The following NID2 variants were observed in gnomAD, a reference collection of about 807,000 sequenced individuals.
NID2 encodes the protein nidogen-2.
Under a neutral mutation model 145.4 loss-of-function variants are expected in NID2, and 83 were observed. The ratio of observed to expected loss-of-function variants is 0.57; its 90% CI spans 0.48 to 0.69. The LOEUF (loss-of-function observed/expected upper bound fraction) is 0.69. Ranked by LOEUF, NID2 falls within the 30% of genes least tolerant of loss-of-function variation. The pLI, the probability that NID2 is intolerant of heterozygous loss-of-function variation, is 0.00. For missense variants in NID2, 1,807 were observed against 1,765.7 expected (o/e 1.02, Z -0.42); for synonymous variants, 739 against 701.3 (o/e 1.05, Z -0.85).
intron 5 of NID2, among the ~76,000 whole-genome samples, chr14:52,046,322 C>CAAAA (rs1555365268): frequency 1.6e-4 from 5 of 31,966 alleles, no homozygotes; most frequent in Admixed American, 3.9e-4. Flanking sequence ...GACTCCATCT[C>CAAAA]AAAAAAAAAA....
At chr14:52,039,958 TG>T in intron 8 of NID2, among the ~76,000 whole-genome samples, 1 of 152,326 alleles carries the variant, frequency 6.6e-6, no homozygotes, top group East Asian at 1.9e-4. Flanking sequence ...GTTTTGTTTT[TG>T]AGATGGAGTC....
intron 18 of NID2, chr14:52,008,948 A>G (rs1310455222): frequency 6.6e-6 from 1 of 152,232 alleles, no homozygotes; most frequent in Non-Finnish European, 1.5e-5. Flanking sequence ...ACGAGGAAAT[A>G]TGGTCCTATT....
intron 3 of NID2, among the ~76,000 whole-genome samples, chr14:52,055,623 C>A (rs979429586): frequency 6.6e-6 from 1 of 152,074 alleles, no homozygotes; most frequent in South Asian, 2.1e-4. Context: ...CTAAAGAGAA[C>A]AACTACATAT....
chr14:52,006,498 T>C lies in NID2; in HGVS notation c.4004+39A>G, dbSNP rs764867422. The C allele has an allele frequency of 9.1e-5, 147 of 1,611,680 alleles. 1 individual carries two copies. The South Asian group carries it at 1.5e-3, about 17-fold the overall frequency. ...ACAAGTGGTGTGTCCTCTGGAACAG[T>C]TGGCCTTTTCAGGCTTGTCCAGAAT... On this transcript the variant is annotated intron_variant, in intron 20 of 21. Transcript: ENST00000216286.
At chr14:52,031,866 G>A (rs917808475) in intron 9 of NID2, among the ~76,000 whole-genome samples, 25 of 152,214 alleles carry the variant, frequency 1.6e-4, no homozygotes, top group African/African-American at 5.8e-4. Flanking sequence ...GTTCTCCATT[G>A]TAACAGATGC....
chr14:52,009,496 T>G (rs1286062674), intron 18 of NID2: 2 of 152,184 alleles, frequency 1.3e-5, no homozygotes, highest in African/African-American at 4.8e-5. Flanking sequence ...TGGTTCAAGG[T>G]GGGTTTTCTT....
intron 9 of NID2, among the ~76,000 whole-genome samples, chr14:52,035,872 A>ATATATACATATATATATATATATT (rs1892049347): frequency 2.3e-5 from 1 of 43,060 alleles, no homozygotes; most frequent in Non-Finnish European, 6.1e-5. Flanking sequence ...ATATATATAT[A>ATATATACATATATATATATATATT]TATATATGTT....
Position 52,060,351 on chromosome 14 carries a change from G to A in NID2, c.540C>T (p.Asn180=). 3.8e-6 allele frequency: 5 copies of A among 1,313,488 alleles called. No homozygotes were observed. The highest frequency in any genetic ancestry group is 5.1e-6 in the Non-Finnish European group (5 of 973,740). The allele number at this position is 1,313,488 out of a possible 1,614,324, so 81.4% of individuals were successfully genotyped here. A position where few individuals can be genotyped will look rare whatever the true frequency, so the allele number is the denominator to read the frequency against. Residue 180 remains asparagine (N), a synonymous_variant, in exon 3 of 22, where the codon AAC becomes AAT. Coordinates refer to ENST00000216286, the MANE Select transcript of NID2 (RefSeq NM_007361.4). ...CAGATGCCAAAACTGCCTGGAAAGT[G>A]TTCAGCTGTGAGGAAAAAAAAAAAA... ...KRGALPSGEL[N]TFQAVLASDG...
At position 52,028,707 on chromosome 14, in the gene NID2, G is replaced by C; in HGVS notation, c.2530+15C>G. On this transcript the variant is annotated intron_variant, in intron 11 of 21. Coordinates refer to ENST00000216286, the MANE Select transcript of NID2 (RefSeq NM_007361.4). ...CACCATTTTGGCCACACAGGAAAAT[G>C]ATTTTGGAACTCACAGATGCAAGTA... 1 of 1,608,810 alleles carries C rather than the reference G, an allele frequency of 6.2e-7. No individual in the cohort carries two copies.
At chr14:52,062,610 G>C (rs78464792) in intron 2 of NID2, among the ~76,000 whole-genome samples, 2 of 152,264 alleles carry the variant, frequency 1.3e-5, no homozygotes, top group Admixed American at 6.5e-5. Flanking sequence ...AGCTTTCAAA[G>C]CTCCTGGCAT....
At chr14:52,013,210 T>A (rs1891095569) in intron 16 of NID2, among the ~76,000 whole-genome samples, 1 of 152,192 alleles carries the variant, frequency 6.6e-6, no homozygotes, top group Non-Finnish European at 1.5e-5. Context: ...TTTCTTTCAG[T>A]TCCACTACCA....
intron 18 of NID2, 118 bp downstream of exon 18, chr14:52,010,758 C>T: frequency 1.0e-6 from 1 of 972,516 alleles, no homozygotes. Context: ...ATCTTTGTTA[C>T]ATGAATGCAT....
At chr14:52,058,540 G>C (rs554939086) in intron 3 of NID2, among the ~76,000 whole-genome samples, 8 of 152,318 alleles carry the variant, frequency 5.3e-5, no homozygotes, top group African/African-American at 1.9e-4. Context: ...AGGCATGAAA[G>C]GGGGTAAGTG....
In NID2 at chr14:52,012,376, GGAGGATTGCTT is replaced by G. The variant is rs1235783335; in HGVS notation, c.3421-704_3421-694del. 2.4e-4 allele frequency among the ~76,000 whole-genome samples: 36 copies of G among 152,332 alleles called. 1 individual carries two copies. In the South Asian group the frequency reaches 7.5e-3, roughly 32 times the overall value. ...CCCTGTCCGTTGGGAGGCCAAAGCAGGAGGATTGCTTGAGCCCAGGAGTTCGAGACTGAGCA... is the reference window on the plus strand; with the variant it reads ...CCCTGTCCGTTGGGAGGCCAAAGCAGGAGCCCAGGAGTTCGAGACTGAGCA... On this transcript the variant is annotated intron_variant, in intron 16 of 21. Coordinates refer to ENST00000216286, the MANE Select transcript of NID2 (RefSeq NM_007361.4).
intron 9 of NID2, among the ~76,000 whole-genome samples, chr14:52,033,548 C>T (rs1392686492): frequency 4.6e-5 from 7 of 152,336 alleles, no homozygotes; most frequent in East Asian, 3.9e-4. Flanking sequence ...TCTGCATCCT[C>T]GCCCTGGGAA....
At chr14:52,041,038 A>G (rs1278529058) in intron 7 of NID2, among the ~76,000 whole-genome samples, 187 bp from the exon 8 acceptor site, 1 of 152,178 alleles carries the variant, frequency 6.6e-6, no homozygotes, top group Non-Finnish European at 1.5e-5. Context: ...ATTGAAGAAT[A>G]TGGTTTCATC....
rs1431725404 is a variant in NID2, at chr14:52,014,273, G to C, written c.3420+14C>G. 2 of 1,614,230 alleles carry C rather than the reference G, an allele frequency of 1.2e-6. No individual in the cohort carries two copies. Among genetic ancestry groups the C allele is most frequent in the Non-Finnish European group, 1.7e-6 (2 of 1,180,044 alleles). On this transcript the variant is annotated intron_variant, in intron 16 of 21. Transcript: ENST00000216286. The stretch of plus-strand genomic sequence containing the variant: ...CCACGCAGCCCTGCCCCCTACAGGA[G>C]AAATCCACTTTACATGCAGAGACAG...
chr14:52,039,118 G>A, intron 8 of NID2, 141 bp from the exon 9 acceptor site: 1 of 662,076 alleles, frequency 1.5e-6, no homozygotes, highest in Non-Finnish European at 2.5e-6. Flanking sequence ...GAAAAAATGT[G>A]TAAGGAAATC....
chr14:52,013,745 T>A (rs1204835789), intron 16 of NID2, among the ~76,000 whole-genome samples: 2 of 152,036 alleles, frequency 1.3e-5, no homozygotes, highest in Admixed American at 6.5e-5. Flanking sequence ...CATCACACAC[T>A]CCTCAAGTTT....
Sources: gnomAD v4.1 joint callset for allele counts (sites outside exome capture counted in the v4.1 genomes callset) on GRCh38, gnomAD v4.1.1 for gene constraint, MANE v1.5 for transcripts, NCBI Gene and HGNC (gene_info 2026-07-23, HGNC 2026-07-21) for gene names.